The following PPARGC1A variants were observed in gnomAD, a reference collection of about 807,000 sequenced individuals.
The protein encoded by PPARGC1A is PPARG coactivator 1 alpha.
In PPARGC1A, 25 loss-of-function variants were observed where a neutral mutation model predicts 88.7. The ratio of observed to expected loss-of-function variants is 0.28; its 90% CI spans 0.21 to 0.39. The LOEUF is 0.39. Ranked by LOEUF, PPARGC1A falls within the 10% of genes least tolerant of loss-of-function variation. The pLI is 1.00. For synonymous variants in PPARGC1A, 363 were observed against 355.6 expected, an observed-to-expected ratio of 1.02 and a Z score of -0.24; for missense variants, 880 against 968.7, an observed-to-expected ratio of 0.91 and a Z score of 1.22.
intron 2 of PPARGC1A, among the ~76,000 whole-genome samples, chr4:23,872,722 T>C (rs1454866555): frequency 2.0e-5 from 3 of 152,182 alleles, no homozygotes; most frequent in Non-Finnish European, 4.4e-5. Flanking sequence ...TTTTAACCAC[T>C]GTATCCCCCT....
the PPARGC1A span, among the ~76,000 whole-genome samples, chr4:23,945,907 C>A: frequency 6.6e-6 from 1 of 152,140 alleles, no homozygotes; most frequent in African/African-American, 2.4e-5. Flanking sequence ...GTCATCATGG[C>A]CAGCCGCATG....
intron 2 of PPARGC1A, among the ~76,000 whole-genome samples, chr4:23,872,675 T>C (rs1011927479): frequency 1.3e-5 from 2 of 152,198 alleles, no homozygotes; most frequent in African/African-American, 4.8e-5. Flanking sequence ...TCTTCATCAC[T>C]AACCAAAATT....
intron 2 of PPARGC1A, among the ~76,000 whole-genome samples, chr4:23,837,290 C>A (rs543407675): frequency 6.6e-6 from 1 of 151,544 alleles, no homozygotes; most frequent in South Asian, 2.1e-4. Flanking sequence ...TGAGAGGTGA[C>A]TTAACCTCTC....
At chr4:23,801,484 ATACC>A (rs1177665580) in intron 12 of PPARGC1A, among the ~76,000 whole-genome samples, 2 of 152,180 alleles carry the variant, frequency 1.3e-5, no homozygotes, top group Non-Finnish European at 2.9e-5. Context: ...ATCCACATAC[ATACC>A]TACCACAATT....
the PPARGC1A span, among the ~76,000 whole-genome samples, chr4:24,392,788 G>T: frequency 6.6e-6 from 1 of 152,026 alleles, no homozygotes; most frequent in Non-Finnish European, 1.5e-5. Context: ...ACACTTTCCC[G>T]TTGCCTCAGC....
At chr4:24,279,989 G>C in the PPARGC1A span, among the ~76,000 whole-genome samples, 2 of 152,086 alleles carry the variant, frequency 1.3e-5, no homozygotes, top group Non-Finnish European at 2.9e-5. Flanking sequence ...GCCCAATTCA[G>C]CCAGAAAGCC....
chr4:24,138,441 C>T, the PPARGC1A span, among the ~76,000 whole-genome samples: 1 of 152,186 alleles, frequency 6.6e-6, no homozygotes, highest in Non-Finnish European at 1.5e-5. Flanking sequence ...ACAGAACAAG[C>T]ACTTGTTTAC....
At chr4:24,217,361 C>T in the PPARGC1A span, among the ~76,000 whole-genome samples, 70 of 152,122 alleles carry the variant, frequency 4.6e-4, no homozygotes, top group Non-Finnish European at 7.2e-4. Flanking sequence ...CATTCCATAC[C>T]GTCATAGAAG....
At chr4:23,834,449 A>C (rs1280044473) in intron 2 of PPARGC1A, among the ~76,000 whole-genome samples, 2 of 151,756 alleles carry the variant, frequency 1.3e-5, no homozygotes, top group East Asian at 3.9e-4. Context: ...AGATCACGCC[A>C]CTGCACTCCA....
the PPARGC1A span, among the ~76,000 whole-genome samples, chr4:24,046,312 A>C: frequency 5.3e-5 from 8 of 152,156 alleles, no homozygotes; most frequent in East Asian, 5.8e-4. Context: ...AATAATAGTC[A>C]GTAGTTGTTG....
At chr4:24,339,298 A>G in the PPARGC1A span, among the ~76,000 whole-genome samples, 2 of 150,266 alleles carry the variant, frequency 1.3e-5, no homozygotes, top group Non-Finnish European at 3.0e-5. Context: ...AGGCTGAATA[A>G]TATTCCATTG....
the PPARGC1A span, among the ~76,000 whole-genome samples, chr4:24,006,753 G>A: frequency 2.0e-5 from 3 of 152,000 alleles, no homozygotes; most frequent in African/African-American, 4.8e-5. Flanking sequence ...CAAGGATCTC[G>A]TGTGTAGCTA....
chr4:24,191,866 T>C, the PPARGC1A span, among the ~76,000 whole-genome samples: 153 of 152,204 alleles, frequency 1.0e-3, no homozygotes, highest in African/African-American at 3.4e-3. Flanking sequence ...CATTTGAACA[T>C]AGCAAAGCAC....
At chr4:24,416,220 G>A in the PPARGC1A span, among the ~76,000 whole-genome samples, 36 of 152,324 alleles carry the variant, frequency 2.4e-4, no homozygotes, top group African/African-American at 8.2e-4. Context: ...TCTTATGCTA[G>A]AGAACCAGGG....
In PPARGC1A at chr4:23,887,195, G is replaced by A. The variant is rs185282336; in HGVS notation, c.55-2264C>T. Among the ~76,000 whole-genome samples the A allele has an allele frequency of 4.7e-3, 709 of 150,610 alleles. 7 individuals are homozygous for A. Among genetic ancestry groups the A allele is most frequent in the Non-Finnish European group, 6.4e-3 (433 of 67,928 alleles). ...TTCCTTTCCTTCCTCTCACTTGTTCGCTCGTGCGCTCTCTCTCTCTCTCTC... is the reference window on the plus strand; with the variant it reads ...TTCCTTTCCTTCCTCTCACTTGTTCACTCGTGCGCTCTCTCTCTCTCTCTC... On this transcript the variant is annotated intron_variant, in intron 1 of 12. Coordinates refer to ENST00000264867, the MANE Select transcript of PPARGC1A (RefSeq NM_013261.5).
At chr4:23,935,895 G>T in the PPARGC1A span, among the ~76,000 whole-genome samples, 1 of 151,706 alleles carries the variant, frequency 6.6e-6, no homozygotes, top group Non-Finnish European at 1.5e-5. Flanking sequence ...AAATTGCTAA[G>T]TTGGTTAACA....
At chr4:23,820,598 C>A in intron 7 of PPARGC1A, 1 of 433,140 alleles carries the variant, frequency 2.3e-6, no homozygotes. Context: ...TCTCATCTTG[C>A]TTTACTAACA....
the PPARGC1A span, among the ~76,000 whole-genome samples, chr4:24,043,035 A>G: frequency 3.9e-5 from 6 of 152,256 alleles, no homozygotes; most frequent in Admixed American, 3.9e-4. Flanking sequence ...ATGATGACCT[A>G]ATCTGTCAGG....
At chr4:24,233,981 GTCAGGTTCAGGATTTAAATC>G in the PPARGC1A span, among the ~76,000 whole-genome samples, 1 of 152,208 alleles carries the variant, frequency 6.6e-6, no homozygotes, top group Non-Finnish European at 1.5e-5. Context: ...CACAATGAAT[GTCAGGTTCAGGATTTAAATC>G]TCAGTCTGAC....
Sources: gnomAD v4.1 joint callset for allele counts (sites outside exome capture counted in the v4.1 genomes callset) on GRCh38, gnomAD v4.1.1 for gene constraint, MANE v1.5 for transcripts, NCBI Gene and HGNC (gene_info 2026-07-23, HGNC 2026-07-21) for gene names.